Variants in SAMD5 observed in about 807,000 individuals in gnomAD.
SAMD5 encodes sterile alpha motif domain containing 5.
In SAMD5, 13 loss-of-function variants were observed where a neutral mutation model predicts 11.3. The observed-to-expected ratio is 1.15, with a 90% confidence interval of 0.75 to 1.83. The LOEUF is 1.83. Among genes scored for constraint, SAMD5 ranks in the 40% most tolerant of loss-of-function variants. The pLI, the probability that SAMD5 is intolerant of heterozygous loss-of-function variation, is 0.00. For synonymous variants in SAMD5, 129 were observed against 111.3 expected (o/e 1.16, Z -1.00); for missense variants, 255 against 239.1 (o/e 1.07, Z -0.44).
chr6:147,595,596 GGCTCACT>G (rs2128447597), intron 1 of SAMD5, among the ~76,000 whole-genome samples: 1 of 139,578 alleles, frequency 7.2e-6, no homozygotes, highest in Non-Finnish European at 1.5e-5. Context: ...GTGCCATCTT[GGCTCACT>G]GCAACCTCCA....
intron 1 of SAMD5, among the ~76,000 whole-genome samples, chr6:147,524,773 CAT>C (rs1474489300): frequency 6.6e-6 from 1 of 152,068 alleles, no homozygotes; most frequent in Non-Finnish European, 1.5e-5. Flanking sequence ...ATATTAATAA[CAT>C]AAGGAAAAAG....
At chr6:147,878,729 T>C in the SAMD5 span, among the ~76,000 whole-genome samples, 41 of 151,562 alleles carry the variant, frequency 2.7e-4, no homozygotes, top group African/African-American at 8.5e-4. Flanking sequence ...TGTATATCTA[T>C]ATATAGGTCC....
chr6:147,713,352 C>G (rs1049053521), intron 1 of SAMD5, among the ~76,000 whole-genome samples: 5 of 152,044 alleles, frequency 3.3e-5, no homozygotes, highest in African/African-American at 9.7e-5. Context: ...ATTTATATAC[C>G]CTGGGTTCCA....
intron 1 of SAMD5, among the ~76,000 whole-genome samples, chr6:147,632,677 A>G (rs1252991700): frequency 6.6e-6 from 1 of 152,220 alleles, no homozygotes; most frequent in African/African-American, 2.4e-5. Context: ...AATTTCGACC[A>G]CACAGTATTG....
the SAMD5 span, among the ~76,000 whole-genome samples, chr6:147,805,282 G>A: frequency 3.9e-5 from 6 of 152,238 alleles, no homozygotes; most frequent in Non-Finnish European, 8.8e-5. Flanking sequence ...GCTTGGAAGT[G>A]CCCAAGTGCA....
chr6:147,909,564 C>CTTTA, the SAMD5 span, among the ~76,000 whole-genome samples: 1 of 27,792 alleles, frequency 3.6e-5, no homozygotes, highest in Middle Eastern at 0.014. Context: ...CATCTTTTTT[C>CTTTA]TTTCTTTCTT....
intron 1 of SAMD5, among the ~76,000 whole-genome samples, chr6:147,692,139 T>C (rs1467740745): frequency 6.6e-6 from 1 of 152,142 alleles, no homozygotes; most frequent in Non-Finnish European, 1.5e-5. Context: ...AAAAAGGAAC[T>C]TTCCATACTA....
In SAMD5 at chr6:147,565,169, A is replaced by G; in HGVS notation, c.*713A>G. 1.0e-6 allele frequency: 1 copy of G among 985,682 alleles called. No individual in the cohort carries two copies. The highest frequency in any genetic ancestry group is 1.2e-6 in the Non-Finnish European group (1 of 829,802). 61.1% of individuals were successfully genotyped at this position (985,682 alleles called of 1,614,324 possible). ...ATACAAGTGTCTTGCTCTGACATGC[A>G]TCAAGCAAGAGCTAGCTATTTTACT... is the stretch of plus-strand genomic sequence containing the variant. On this transcript the variant is annotated 3_prime_UTR_variant, in exon 2 of 2. Transcript: ENST00000367474.
chr6:147,779,331 C>G, the SAMD5 span, among the ~76,000 whole-genome samples: 1 of 152,014 alleles, frequency 6.6e-6, no homozygotes, highest in African/African-American at 2.4e-5. Flanking sequence ...ATATGAAATG[C>G]ATTTTATGAG....
At chr6:147,845,716 AT>A in the SAMD5 span, among the ~76,000 whole-genome samples, 1 of 152,182 alleles carries the variant, frequency 6.6e-6, no homozygotes, top group African/African-American at 2.4e-5. Flanking sequence ...CCAAAAAAAA[AT>A]AATGATAACA....
intron 1 of SAMD5, among the ~76,000 whole-genome samples, chr6:147,663,057 T>C (rs761085105): frequency 7.2e-5 from 11 of 152,210 alleles, no homozygotes; most frequent in Non-Finnish European, 1.5e-4. Context: ...CCTATGCAAT[T>C]AAGGCTTTAG....
the SAMD5 span, among the ~76,000 whole-genome samples, chr6:147,925,958 A>C: frequency 6.6e-6 from 1 of 152,192 alleles, no homozygotes; most frequent in South Asian, 2.1e-4. Flanking sequence ...TTGTTCCTCC[A>C]TTAATTTGCT....
At chr6:147,509,423 G>C (rs1283709123) in intron 1 of SAMD5, 36 bp downstream of exon 1, 4 of 1,489,838 alleles carry the variant, frequency 2.7e-6, no homozygotes, top group Non-Finnish European at 3.6e-6. Context: ...CGGGGCGCGC[G>C]GCGGGAGGGG....
chr6:147,512,778 T>G (rs1788109373), intron 1 of SAMD5, among the ~76,000 whole-genome samples: 1 of 152,172 alleles, frequency 6.6e-6, no homozygotes, highest in Non-Finnish European at 1.5e-5. Context: ...TTACTGTGGT[T>G]GGCAGGATGT....
intron 1 of SAMD5, among the ~76,000 whole-genome samples, chr6:147,695,920 C>G (rs1194099798): frequency 6.6e-6 from 1 of 152,204 alleles, no homozygotes; most frequent in Non-Finnish European, 1.5e-5. Context: ...TAATTCACCT[C>G]TTCTTTATCT....
intron 1 of SAMD5, among the ~76,000 whole-genome samples, chr6:147,684,728 C>A (rs1461977788): frequency 6.6e-6 from 1 of 152,162 alleles, no homozygotes; most frequent in African/African-American, 2.4e-5. Context: ...CCTATACAGG[C>A]AGTCTTCACT....
chr6:147,567,869 T>C lies in SAMD5; in HGVS notation c.*3413T>C, dbSNP rs1227510700. 1.0e-6 allele frequency: 1 copy of C among 985,228 alleles called. No homozygotes were observed. Among genetic ancestry groups the C allele is most frequent in the Non-Finnish European group, 1.2e-6 (1 of 829,944 alleles). 61.0% of individuals were successfully genotyped at this position (985,228 alleles called of 1,614,324 possible). On this transcript the variant is annotated 3_prime_UTR_variant, in exon 2 of 2. Coordinates refer to ENST00000367474, the MANE Select transcript of SAMD5 (RefSeq NM_001030060.3). ...TATTGATTGAATGAAAAGAATTTGA[T>C]TTAAGGAAACAATAACACTCCATCC...
At chr6:147,786,523 A>G in the SAMD5 span, among the ~76,000 whole-genome samples, 2 of 152,226 alleles carry the variant, frequency 1.3e-5, no homozygotes, top group Non-Finnish European at 2.9e-5. Context: ...ATACCTAGTT[A>G]AGAGACCTTG....
At chr6:147,543,935 C>G (rs1374320091) in intron 1 of SAMD5, among the ~76,000 whole-genome samples, 1 of 152,120 alleles carries the variant, frequency 6.6e-6, no homozygotes, top group Non-Finnish European at 1.5e-5. Flanking sequence ...AAGCTCCTCT[C>G]TTTTAAAGGT....
Sources: gnomAD v4.1 joint callset for allele counts (sites outside exome capture counted in the v4.1 genomes callset) on GRCh38, gnomAD v4.1.1 for gene constraint, MANE v1.5 for transcripts, NCBI Gene and HGNC (gene_info 2026-07-23, HGNC 2026-07-21) for gene names.